SLC12A1: variants seen among roughly 807,000 people sequenced by gnomAD.
SLC12A1 encodes the protein solute carrier family 12 member 1, also known as Na-K-2Cl cotransporter.
A neutral mutation model predicts 130.4 loss-of-function variants in SLC12A1; 89 were observed. The observed-to-expected ratio is 0.68, with a 90% CI of 0.58 to 0.81. The LOEUF (loss-of-function observed/expected upper bound fraction) is 0.81, where lower values mean the gene tolerates loss of function less well. Ranked by LOEUF, SLC12A1 falls within the 40% of genes least tolerant of loss-of-function variation. The pLI, the probability that SLC12A1 is intolerant of heterozygous loss-of-function variation, is 0.00. For missense variants in SLC12A1, 1,310 were observed against 1,336.4 expected (o/e 0.98, Z 0.31); for synonymous variants, 499 against 460.0 (o/e 1.08, Z -1.09).
intron 14 of SLC12A1, among the ~76,000 whole-genome samples, chr15:48,250,636 A>G (rs1025891080): frequency 3.3e-5 from 5 of 151,340 alleles, no homozygotes; most frequent in Non-Finnish European, 5.9e-5. Flanking sequence ...CAGCATATAG[A>G]GGAAGACACA....
intron 12 of SLC12A1, 149 bp downstream of exon 12, chr15:48,247,165 C>A: frequency 1.0e-6 from 1 of 953,418 alleles, no homozygotes; most frequent in Non-Finnish European, 1.6e-6. Context: ...CTATGTCTGC[C>A]ACATAGTCAA....
chr15:48,231,721 GTTA>G (rs1317696482), intron 7 of SLC12A1, among the ~76,000 whole-genome samples: 1 of 152,174 alleles, frequency 6.6e-6, no homozygotes, highest in Non-Finnish European at 1.5e-5. Flanking sequence ...ACAGATAGCT[GTTA>G]TTATTTAAAT....
intron 20 of SLC12A1, 109 bp from the exon 21 acceptor site, chr15:48,284,997 C>T (rs34028279): frequency 1.3e-6 from 1 of 743,486 alleles, no homozygotes; most frequent in East Asian, 3.1e-5. Flanking sequence ...TATGTATAAA[C>T]AATTATTTTA....
intron 9 of SLC12A1, among the ~76,000 whole-genome samples, chr15:48,240,092 CATATAT>C (rs1202434183): frequency 2.3e-4 from 14 of 60,450 alleles, no homozygotes; most frequent in African/African-American, 9.0e-4. Context: ...TATATATATC[CATATAT>C]ATATATATAT....
intron 5 of SLC12A1, chr15:48,228,587 T>TTATA (rs139300588): frequency 1.8e-5 from 4 of 217,814 alleles, no homozygotes; most frequent in East Asian, 2.3e-4. Flanking sequence ...ATATATATGT[T>TTATA]TATATATATA....
chr15:48,278,031 A>G (rs1225875368), intron 20 of SLC12A1, among the ~76,000 whole-genome samples: 1 of 152,170 alleles, frequency 6.6e-6, no homozygotes, highest in East Asian at 1.9e-4. Flanking sequence ...TTTCTTCTTT[A>G]TGGACATTTT....
In SLC12A1 at chr15:48,269,686, A is replaced by C. The variant is rs1290476062; in HGVS notation, c.2324A>C (p.Asn775Thr). The C allele has an allele frequency of 6.2e-7, 1 of 1,611,178 alleles. No individual in the cohort carries two copies. Among genetic ancestry groups the C allele is most frequent in the Non-Finnish European group, 8.5e-7 (1 of 1,177,868 alleles). Reference sequence around the variant, plus strand: ...TCAGGCTTAGGAAGAATGAAACCAAACACTCTGGTGATTGGATATAAGAAA... The same window carrying C: ...TCAGGCTTAGGAAGAATGAAACCAACCACTCTGGTGATTGGATATAAGAAA... ...QASGLGRMKPNTLVIGYKKNW... is the reference protein window; with the variant it reads ...QASGLGRMKPTTLVIGYKKNW... Residue 775 changes from asparagine to threonine, a missense_variant, in exon 19 of 27, where the codon AAC becomes ACC. Coordinates refer to ENST00000380993, the MANE Select transcript of SLC12A1 (RefSeq NM_000338.3).
chr15:48,266,282 T>C (rs779120071), intron 17 of SLC12A1, among the ~76,000 whole-genome samples: 1 of 152,174 alleles, frequency 6.6e-6, no homozygotes, highest in Admixed American at 6.5e-5. Context: ...ATCCGGGGCT[T>C]TGATGACATT....
chr15:48,227,174 G>A, intron 5 of SLC12A1: 1 of 1,541,014 alleles, frequency 6.5e-7, no homozygotes, highest in South Asian at 1.2e-5. Context: ...AGTAAGAGGA[G>A]GTAAGCCAAT....
chr15:48,206,576 A>C (rs1343996387), intron 1 of SLC12A1, among the ~76,000 whole-genome samples: 2 of 152,144 alleles, frequency 1.3e-5, no homozygotes, highest in Non-Finnish European at 2.9e-5. Context: ...ATTTATATTT[A>C]TCTCATTTTT....
chr15:48,269,887 G>A (rs1177971131), intron 19 of SLC12A1, 123 bp downstream of exon 19: 1 of 478,574 alleles, frequency 2.1e-6, no homozygotes, highest in Non-Finnish European at 3.8e-6. Flanking sequence ...ACATTCCCCT[G>A]GTACTCTGAC....
chr15:48,296,936 C>T (rs2042183109), intron 24 of SLC12A1, among the ~76,000 whole-genome samples: 1 of 152,090 alleles, frequency 6.6e-6, no homozygotes, highest in Non-Finnish European at 1.5e-5. Flanking sequence ...AAATACAGCC[C>T]CGTTATCACC....
chr15:48,244,728 T>G (rs752202575), intron 10 of SLC12A1, 25 bp from the exon 11 acceptor site: 1 of 1,612,966 alleles, frequency 6.2e-7, no homozygotes, highest in Non-Finnish European at 8.5e-7. Context: ...TATAAAGAAA[T>G]AACAAGCCAC....
At chr15:48,289,441 T>TA (rs2042096955) in intron 23 of SLC12A1, among the ~76,000 whole-genome samples, 4 of 132,176 alleles carry the variant, frequency 3.0e-5, no homozygotes, top group Admixed American at 7.8e-5. Flanking sequence ...TGTATAACTA[T>TA]GTATAACTGT....
intron 2 of SLC12A1, among the ~76,000 whole-genome samples, chr15:48,212,939 G>A (rs893387706): frequency 1.3e-5 from 2 of 152,142 alleles, no homozygotes; most frequent in Non-Finnish European, 2.9e-5. Context: ...TTTTTGTTGA[G>A]AACTTGTTAT....
chr15:48,215,524 C>G (rs2041110788), intron 2 of SLC12A1, among the ~76,000 whole-genome samples: 1 of 152,086 alleles, frequency 6.6e-6, no homozygotes, highest in Non-Finnish European at 1.5e-5. Flanking sequence ...AAGGGAAAAA[C>G]TGGTTTCAGG....
intron 5 of SLC12A1, chr15:48,228,589 A>T (rs960681671): frequency 3.4e-5 from 7 of 205,858 alleles, no homozygotes; most frequent in Non-Finnish European, 7.2e-5. Flanking sequence ...ATATATGTTT[A>T]TATATATATA....
chr15:48,210,766 G>A (rs2041042987), intron 2 of SLC12A1, among the ~76,000 whole-genome samples: 2 of 151,940 alleles, frequency 1.3e-5, no homozygotes, highest in East Asian at 1.9e-4. Context: ...GGGAGACTGA[G>A]GCAGGAGAAT....
At chr15:48,227,003 C>A in intron 5 of SLC12A1, 1 of 910,300 alleles carries the variant, frequency 1.1e-6, no homozygotes, top group South Asian at 1.6e-5. Flanking sequence ...TGACAAGATT[C>A]AGACTGCTGC....
Sources: gnomAD v4.1 joint callset for allele counts (sites outside exome capture counted in the v4.1 genomes callset) on GRCh38, gnomAD v4.1.1 for gene constraint, MANE v1.5 for transcripts, NCBI Gene and HGNC (gene_info 2026-07-23, HGNC 2026-07-21) for gene names.